DCAF8L1: variants seen among roughly 807,000 people sequenced by gnomAD.
DCAF8L1 encodes the protein DDB1 and CUL4 associated factor 8 like 1, also known as DDB1- and CUL4-associated factor 8-like protein 1.
For synonymous variants in DCAF8L1, 217 were observed against 186.8 expected (o/e 1.16, Z -1.32); for missense variants, 434 against 481.6 (o/e 0.90, Z 0.92).
At position 27,980,648 on chromosome X, in the gene DCAF8L1, C is replaced by A; in HGVS notation, c.687G>T (p.Lys229Asn). 1 of 1,212,204 alleles carries A rather than the reference C, an allele frequency of 8.2e-7. No individual in the cohort carries two copies. The highest frequency in any genetic ancestry group is 1.1e-6 in the Non-Finnish European group (1 of 895,602). ...RVIVWDWVRQ[K>N]PVLNFESGHD... ...GACCACTCTCAAAGTTCAGTACTGGCTTCTGCCGCACCCAGTCCCACACTA... is the reference window on the plus strand; with the variant it reads ...GACCACTCTCAAAGTTCAGTACTGGATTCTGCCGCACCCAGTCCCACACTA... The change falls in exon 1 of 1, where the codon AAG becomes AAT. Residue 229 changes from lysine to asparagine, a missense_variant. Physicochemically the swap from Lys to Asn is moderately conservative, Grantham distance 94. Transcript: ENST00000441525.
rs774682405 is a variant in DCAF8L1 at position 27,978,666 on chromosome X, G to A, written c.*866C>T. 3.8e-6 allele frequency: 1 copy of A among 265,841 alleles called. No homozygotes were observed. The highest frequency in any genetic ancestry group is 6.9e-6 in the Non-Finnish European group (1 of 145,774). The allele number at this position is 265,841 out of a possible 1,213,427, so 21.9% of individuals were successfully genotyped here. ...AATTAATCAATATTATTAACATATTGATTCAGAAAATGTGGATAATCCCAA... is the reference window on the plus strand; with the variant it reads ...AATTAATCAATATTATTAACATATTAATTCAGAAAATGTGGATAATCCCAA... On this transcript the variant is annotated 3_prime_UTR_variant, in exon 1 of 1. Transcript: ENST00000441525.
At position 27,980,984 on chromosome X, in the gene DCAF8L1, A is replaced by T. The variant is rs76736462; in HGVS notation, c.351T>A (p.Pro117=). 25,702 of 1,209,869 alleles carry T rather than the reference A, an allele frequency of 0.021. 237 individuals are homozygous for T. The highest frequency in any genetic ancestry group is 0.025 in the Non-Finnish European group (22,629 of 895,002). ...MEEEGEEEEQ[P]RMCPRCGGTN... ...TGCCACCGCATCGTGGACACATCCG[A>T]GGCTGTTCTTCCTCCTCCCCTTCCT... Residue 117 remains proline, a synonymous_variant, in exon 1 of 1, where the codon CCT becomes CCA. Transcript: ENST00000441525.
chrX:27,979,957 C>T lies in DCAF8L1; in HGVS notation c.1378G>A (p.Gly460Arg), dbSNP rs773259232. The change falls in exon 1 of 1, where the codon GGG becomes AGG. Residue 460 changes from glycine (G) to arginine (R), a missense_variant. Coordinates refer to ENST00000441525, the MANE Select transcript of DCAF8L1 (RefSeq NM_001017930.2). ...SEFVVSGSDC[G>R]HVFFWEKSSS... The stretch of plus-strand genomic sequence containing the variant: ...GATTTCTCCCAGAAGAAGACGTGCC[C>T]ACAATCACTACCGCTCACGACAAAC... The T allele has an allele frequency of 7.4e-6, 9 of 1,208,156 alleles. No individual in the cohort carries two copies. The highest frequency in any genetic ancestry group is 8.9e-6 in the Non-Finnish European group (8 of 894,769).
chrX:27,979,877 A>G lies in DCAF8L1; in HGVS notation c.1458T>C (p.Cys486=). ...CAGGTAGGTAAGGGTGGGGTTCAAG[A>G]CAGTTTACTATATCTCCTCTGTCCC... is the stretch of plus-strand genomic sequence containing the variant. The part of the protein sequence containing the change: ...MEGDRGDIVN[C]LEPHPYLPVL... Residue 486 remains cysteine (C), a synonymous_variant, in exon 1 of 1, where the codon TGT becomes TGC. Transcript: ENST00000441525. The G allele has an allele frequency of 1.7e-6, 2 of 1,209,987 alleles. No homozygotes were observed. The highest frequency in any genetic ancestry group is 2.2e-6 in the Non-Finnish European group (2 of 894,920).
At position 27,979,678 on chromosome X, in the gene DCAF8L1, G is replaced by A. The variant is rs749236143; in HGVS notation, c.1657C>T (p.Arg553Cys). The A allele has an allele frequency of 2.5e-5, 30 of 1,209,819 alleles. No individual in the cohort carries two copies. Among genetic ancestry groups the A allele is most frequent in the Non-Finnish European group, 3.4e-5 (30 of 895,233 alleles). The change falls in exon 1 of 1, where the codon CGT becomes TGT. Residue 553 changes from arginine to cysteine, a missense_variant. Transcript: ENST00000441525. ...FDNRMLRFFVRHLLQRAHQPG... is the reference protein window; with the variant it reads ...FDNRMLRFFVCHLLQRAHQPG... ...TGATGAGCTCTCTGTAACAGGTGAC[G>A]CACGAAGAACCGAAGCATGCGGTTG... is the stretch of plus-strand genomic sequence containing the variant.
chrX:27,979,551 A>G lies in DCAF8L1; in HGVS notation c.1784T>C (p.Val595Ala). Reference protein sequence around the residue: ...DTSEEEGQDRVQCIPS With the variant: ...DTSEEEGQDRAQCIPS ...AGGCCTTCAGGATGGTATGCACTGC[A>G]CTCGATCTTGGCCCTCCTCCTCGGA... The change falls in exon 1 of 1, where the codon GTG (valine) becomes GCG (alanine). Residue 595 changes from valine (V) to alanine (A), a missense_variant. By Grantham distance (64) the Val-to-Ala change is moderately conservative (BLOSUM62 0). Coordinates refer to ENST00000441525, the MANE Select transcript of DCAF8L1 (RefSeq NM_001017930.2). 8.3e-7 allele frequency: 1 copy of G among 1,206,857 alleles called. No individual in the cohort carries two copies. Among genetic ancestry groups the G allele is most frequent in the Non-Finnish European group, 1.1e-6 (1 of 892,716 alleles).
rs1467613649 is a variant in DCAF8L1 at position 27,980,461 on chromosome X, A to T, written c.874T>A (p.Leu292Met). 8.3e-7 allele frequency: 1 copy of T among 1,210,487 alleles called. No homozygotes were observed. The highest frequency in any genetic ancestry group is 1.8e-5 in the South Asian group (1 of 56,865). ...TAAGGAGAGTCTGGCTCCAGAGCCA[A>T]CTCGTGGGCAGGTCCCCTGTGCTTG... ...VAKHRGPAHELALEPDSPYKF... is the reference protein window; with the variant it reads ...VAKHRGPAHEMALEPDSPYKF... The change falls in exon 1 of 1, where the codon TTG (leucine) becomes ATG (methionine). Residue 292 changes from leucine (L) to methionine (M), a missense_variant. Leu to Met is a conservative substitution (Grantham distance 15). Transcript: ENST00000441525.
rs1034101494 is a variant in DCAF8L1 at position 27,978,481 on chromosome X, T to A, written c.*1051A>T. ...CAAATATGAGAGATTTTTATATTCC[T>A]ATCTGGTATCTTATAGGAGATGCTT... On this transcript the variant is annotated 3_prime_UTR_variant, in exon 1 of 1. Coordinates refer to ENST00000441525, the MANE Select transcript of DCAF8L1 (RefSeq NM_001017930.2). 1 of 116,246 alleles carries A rather than the reference T, an allele frequency of 8.6e-6. No homozygotes were observed. Among genetic ancestry groups the A allele is most frequent in the Non-Finnish European group, 1.8e-5 (1 of 55,945 alleles). 9.6% of individuals were successfully genotyped at this position (116,246 alleles called of 1,213,427 possible). A position where few individuals can be genotyped will look rare whatever the true frequency, so the allele number is the denominator to read the frequency against.
Position 27,979,704 on chromosome X carries a change from T to C in DCAF8L1, c.1631A>G (p.Asp544Gly), listed in dbSNP as rs765350190. 1.5e-5 allele frequency: 18 copies of C among 1,211,391 alleles called. No individual in the cohort carries two copies. In the South Asian group the frequency reaches 3.2e-4, roughly 21 times the overall value. The change falls in exon 1 of 1, where the codon GAC (aspartate) becomes GGC (glycine). Residue 544 changes from aspartate to glycine, a missense_variant. By Grantham distance (94) the Asp-to-Gly change is moderately conservative. Transcript: ENST00000441525. ...CACGAAGAACCGAAGCATGCGGTTG[T>C]CAAACGAGTCCGTATAGTTCAAGTT... is the stretch of plus-strand genomic sequence containing the variant. ...EDNLNYTDSF[D>G]NRMLRFFVRH... is the part of the protein sequence containing the mutation.
Position 27,980,699 on chromosome X carries a change from G to C in DCAF8L1, c.636C>G (p.Ala212=). The C allele has an allele frequency of 1.7e-6, 2 of 1,211,317 alleles. No individual in the cohort carries two copies. Among genetic ancestry groups the C allele is most frequent in the Non-Finnish European group, 2.2e-6 (2 of 895,320 alleles). The change falls in exon 1 of 1, where the codon GCC becomes GCG. Residue 212 remains alanine (A), a synonymous_variant. Coordinates refer to ENST00000441525, the MANE Select transcript of DCAF8L1 (RefSeq NM_001017930.2). ...TCACCCTTAAGTCATCACCGCTACT[G>C]GCCAGTCGGGTGCCACGCTGGTTAA... ...IHFNQRGTRL[A]SSGDDLRVIV...
rs1195330470 is a variant in DCAF8L1 at position 27,980,620 on chromosome X, C to T, written c.715G>A (p.Asp239Asn). ...AACTTAGCCTGGATGACATTAATAT[C>T]GTGACCACTCTCAAAGTTCAGTACT... ...KPVLNFESGHDINVIQAKFFP... is the reference protein window; with the variant it reads ...KPVLNFESGHNINVIQAKFFP... Residue 239 changes from aspartate (D) to asparagine (N), a missense_variant, in exon 1 of 1, where the codon GAT (aspartate) becomes AAT (asparagine). Physicochemically the swap from Asp to Asn is conservative, Grantham distance 23. Transcript: ENST00000441525. The T allele has an allele frequency of 2.5e-6, 3 of 1,210,823 alleles. No homozygotes were observed. Among genetic ancestry groups the T allele is most frequent in the South Asian group, 3.5e-5 (2 of 56,891 alleles).
At position 27,979,442 on chromosome X, in the gene DCAF8L1, G is replaced by A. The variant is rs939757118; in HGVS notation, c.*90C>T. Reference sequence around the variant, plus strand: ...AAAACAGAAGACAAAAAGCAAATCTGTTAATCAATTGACAATTCTAAATTA... The same window carrying A: ...AAAACAGAAGACAAAAAGCAAATCTATTAATCAATTGACAATTCTAAATTA... On this transcript the variant is annotated 3_prime_UTR_variant, in exon 1 of 1. Transcript: ENST00000441525. 2.7e-5 allele frequency: 30 copies of A among 1,096,708 alleles called. No individual in the cohort carries two copies. In the Admixed American group the frequency reaches 4.1e-4, roughly 15 times the overall value. The allele number at this position is 1,096,708 out of a possible 1,213,427, so 90.4% of individuals were successfully genotyped here.
chrX:27,980,517 G>A lies in DCAF8L1; in HGVS notation c.818C>T (p.Ala273Val). ...GQVRVAELIN[A>V]SYCENTKRVA... is the part of the protein sequence containing the mutation. ...ACGCTTAGTATTCTCGCAATATGATGCATTAATTAGTTCTGCTACCCGTAC... is the reference window on the plus strand; with the variant it reads ...ACGCTTAGTATTCTCGCAATATGATACATTAATTAGTTCTGCTACCCGTAC... Residue 273 changes from alanine to valine, a missense_variant, in exon 1 of 1, where the codon GCA becomes GTA. Coordinates refer to ENST00000441525, the MANE Select transcript of DCAF8L1 (RefSeq NM_001017930.2). 8.3e-7 allele frequency: 1 copy of A among 1,211,906 alleles called. No homozygotes were observed. The highest frequency in any genetic ancestry group is 1.1e-6 in the Non-Finnish European group (1 of 895,555).
Position 27,979,308 on chromosome X carries a change from A to C in DCAF8L1, c.*224T>G. On this transcript the variant is annotated 3_prime_UTR_variant, in exon 1 of 1. Transcript: ENST00000441525. ...CTGAAATGAGTAGATACATCTAATA[A>C]GGCCATTAATTTTTTCAACAAAATT... 1 of 373,601 alleles carries C rather than the reference A, an allele frequency of 2.7e-6. No homozygotes were observed. The highest frequency in any genetic ancestry group is 4.4e-6 in the Non-Finnish European group (1 of 227,408). 30.8% of individuals were successfully genotyped at this position (373,601 alleles called of 1,213,427 possible).
In DCAF8L1 at chrX:27,980,468, G is replaced by A. The variant is rs755925913; in HGVS notation, c.867C>T (p.Ala289=). ...TKRVAKHRGP[A]HELALEPDSP... is the part of the protein sequence containing the mutation. ...AGTCTGGCTCCAGAGCCAACTCGTG[G>A]GCAGGTCCCCTGTGCTTGGCCACAC... Residue 289 remains alanine (A), a synonymous_variant, in exon 1 of 1, where the codon GCC becomes GCT. Transcript: ENST00000441525. 15 of 1,210,540 alleles carry A rather than the reference G, an allele frequency of 1.2e-5. No individual in the cohort carries two copies.
chrX:27,979,636 G>C lies in DCAF8L1; in HGVS notation c.1699C>G (p.His567Asp), dbSNP rs894073645. 1 of 1,211,835 alleles carries C rather than the reference G, an allele frequency of 8.3e-7. No individual in the cohort carries two copies. The highest frequency in any genetic ancestry group is 1.7e-5 in the African/African-American group (1 of 57,805). ...TCTTCATCTGGGAACTCAGCTCCAT[G>C]ATCTCTCCAGCCGGGTTGATGAGCT... is the stretch of plus-strand genomic sequence containing the variant. ...QRAHQPGWRD[H>D]GAEFPDEEEL... Residue 567 changes from histidine (H) to aspartate (D), a missense_variant, in exon 1 of 1, where the codon CAT becomes GAT. By Grantham distance (81) the His-to-Asp change is moderately conservative (BLOSUM62 -1). Coordinates refer to ENST00000441525, the MANE Select transcript of DCAF8L1 (RefSeq NM_001017930.2).
chrX:27,980,160 T>C lies in DCAF8L1; in HGVS notation c.1175A>G (p.Asn392Ser). The C allele has an allele frequency of 8.3e-7, 1 of 1,211,670 alleles. No homozygotes were observed. Among genetic ancestry groups the C allele is most frequent in the East Asian group, 3.0e-5 (1 of 33,805 alleles). ...GTGGCTGTACACAACGCAGGTGATG[T>C]TTGTTGGGAAATCACAATAAACCAG... ...HHLVYCDFPTNITCVVYSHDG... is the reference protein window; with the variant it reads ...HHLVYCDFPTSITCVVYSHDG... The change falls in exon 1 of 1, where the codon AAC becomes AGC. Residue 392 changes from asparagine (N) to serine (S), a missense_variant. Physicochemically the swap from Asn to Ser is conservative, Grantham distance 46 (BLOSUM62 1). Coordinates refer to ENST00000441525, the MANE Select transcript of DCAF8L1 (RefSeq NM_001017930.2).
In DCAF8L1 at chrX:27,980,506, C is replaced by T. The variant is rs140126853; in HGVS notation, c.829G>A (p.Glu277Lys). The T allele has an allele frequency of 5.0e-6, 6 of 1,210,597 alleles. No homozygotes were observed. Among genetic ancestry groups the T allele is most frequent in the Admixed American group, 4.4e-5 (2 of 45,849 alleles). The change falls in exon 1 of 1, where the codon GAG becomes AAG. Residue 277 changes from glutamate (E) to lysine (K), a missense_variant. By Grantham distance (56) the Glu-to-Lys change is moderately conservative. Transcript: ENST00000441525. Reference protein sequence around the residue: ...VAELINASYCENTKRVAKHRG... With the variant: ...VAELINASYCKNTKRVAKHRG... The stretch of plus-strand genomic sequence containing the variant: ...TGCTTGGCCACACGCTTAGTATTCT[C>T]GCAATATGATGCATTAATTAGTTCT...
chrX:27,978,770 C>G lies in DCAF8L1; in HGVS notation c.*762G>C, dbSNP rs1926575261. 3.1e-6 allele frequency: 2 copies of G among 642,951 alleles called. No individual in the cohort carries two copies. The highest frequency in any genetic ancestry group is 5.6e-5 in the Admixed American group (2 of 35,902). The allele number at this position is 642,951 out of a possible 1,213,427, so 53.0% of individuals were successfully genotyped here. A position where few individuals can be genotyped will look rare whatever the true frequency, so the allele number is the denominator to read the frequency against. On this transcript the variant is annotated 3_prime_UTR_variant, in exon 1 of 1. Coordinates refer to ENST00000441525, the MANE Select transcript of DCAF8L1 (RefSeq NM_001017930.2). Reference sequence around the variant, plus strand: ...CTTCTTGTTTTCCTTTTCTAAGGCTCTGTGTGTATGTGTGTGTGCATAGCT... The same window carrying G: ...CTTCTTGTTTTCCTTTTCTAAGGCTGTGTGTGTATGTGTGTGTGCATAGCT...
Sources: gnomAD v4.1 joint callset for allele counts on GRCh38, gnomAD v4.1.1 for gene constraint, MANE v1.5 for transcripts, NCBI Gene and HGNC (gene_info 2026-07-23, HGNC 2026-07-21) for gene names.